The following TARS3 variants were observed in gnomAD, a reference collection of about 807,000 sequenced individuals.
TARS3 encodes the protein threonine--tRNA ligase 2, cytoplasmic.
In TARS3, 94 loss-of-function variants were observed where a neutral mutation model predicts 103.5. That is an observed-to-expected ratio of 0.91 (90% CI 0.77 to 1.08). TARS3 has a LOEUF of 1.08. Among genes scored for constraint, TARS3 ranks in the 50% least tolerant of loss-of-function variants. TARS3 has a pLI of 0.00. For missense variants in TARS3, 952 were observed against 995.2 expected, an observed-to-expected ratio of 0.96 and a Z score of 0.58; for synonymous variants, 416 against 355.4, an observed-to-expected ratio of 1.17 and a Z score of -1.92.
chr15:101,673,327 C>T (rs1897887770), intron 13 of TARS3, among the ~76,000 whole-genome samples: 1 of 152,222 alleles, frequency 6.6e-6, no homozygotes, highest in South Asian at 2.1e-4. Context: ...TTCAGCTCCC[C>T]ACACCCCACC....
rs1246979243 is a variant in TARS3 at position 101,679,530 on chromosome 15, GTTAGTAATTGCTCA to G, written c.1651-3807_1651-3794del. Among the ~76,000 whole-genome samples, 8 of 152,168 alleles carry G rather than the reference GTTAGTAATTGCTCA, an allele frequency of 5.3e-5. No homozygotes were observed. The East Asian group carries it at 1.5e-3, about 29-fold the overall frequency. On this transcript the variant is annotated intron_variant, in intron 12 of 18. Coordinates refer to ENST00000335968, the MANE Select transcript of TARS3 (RefSeq NM_152334.3). Reference sequence around the variant, plus strand: ...TGTAATTTTTGTTTGTTTCAAGTGTGTTAGTAATTGCTCATTAGTTAGTAATTGCATTTTTATGG... The same window carrying G: ...TGTAATTTTTGTTTGTTTCAAGTGTGTTAGTTAGTAATTGCATTTTTATGG...
At chr15:101,702,721 G>C (rs1191083686) in intron 8 of TARS3, among the ~76,000 whole-genome samples, 1 of 152,220 alleles carries the variant, frequency 6.6e-6, no homozygotes, top group Admixed American at 6.5e-5. Context: ...AGTGAGCAGT[G>C]TTTGTGCCAC....
chr15:101,722,012 A>G (rs949912613), intron 2 of TARS3, among the ~76,000 whole-genome samples: 1 of 152,226 alleles, frequency 6.6e-6, no homozygotes, highest in African/African-American at 2.4e-5. Flanking sequence ...AGGCTAGGCT[A>G]AACTACGATG....
At chr15:101,664,426 T>C (rs942884240) in intron 15 of TARS3, 1 of 152,220 alleles carries the variant, frequency 6.6e-6, no homozygotes, top group African/African-American at 2.4e-5. Flanking sequence ...AACTCCACTG[T>C]ACCAATCAGG....
At position 101,671,495 on chromosome 15, in the gene TARS3, G is replaced by A. The variant is rs761986518; in HGVS notation, c.1958C>T (p.Thr653Ile). The change falls in exon 15 of 19, where the codon ACA (threonine) becomes ATA (isoleucine). Residue 653 changes from threonine to isoleucine, a missense_variant. Transcript: ENST00000335968. ...ACATTCAATCACTCACCTAACATAT[G>A]TGAGATTAAATCTAATAGGCAGTTG... The part of the protein sequence containing the change: ...DFQLPIRFNL[T>I]YVSKDGDDKK... 6.2e-7 allele frequency: 1 copy of A among 1,604,238 alleles called. No individual in the cohort carries two copies. The highest frequency in any genetic ancestry group is 1.1e-5 in the South Asian group (1 of 90,702).
chr15:101,672,583 C>T (rs1897853155), intron 13 of TARS3, among the ~76,000 whole-genome samples: 1 of 151,872 alleles, frequency 6.6e-6, no homozygotes, highest in Admixed American at 6.6e-5. Context: ...CCGAAGCTGC[C>T]ATCATCAAGA....
rs562753367 is a variant in TARS3, at chr15:101,659,746, C to G, written c.2073-1889G>C. On this transcript the variant is annotated intron_variant, in intron 16 of 18. Coordinates refer to ENST00000335968, the MANE Select transcript of TARS3 (RefSeq NM_152334.3). ...AGAAATATAAACATGTTAACTCATACTCAGGCGGCATACATATTCATACCC... is the reference window on the plus strand; with the variant it reads ...AGAAATATAAACATGTTAACTCATAGTCAGGCGGCATACATATTCATACCC... Among the ~76,000 whole-genome samples the G allele has an allele frequency of 5.3e-5, 8 of 152,338 alleles. No homozygotes were observed. The East Asian group carries it at 1.5e-3, about 29-fold the overall frequency.
At chr15:101,691,837 A>G (rs561856358) in intron 10 of TARS3, among the ~76,000 whole-genome samples, 1 of 129,762 alleles carries the variant, frequency 7.7e-6, no homozygotes, top group South Asian at 2.7e-4. Flanking sequence ...TCTTCCCCCC[A>G]ACCCCTGACC....
Position 101,698,818 on chromosome 15 carries a change from T to A in TARS3, c.1320+2268A>T, listed in dbSNP as rs3743181. Among the ~76,000 whole-genome samples the A allele has an allele frequency of 6.0e-4, 92 of 152,320 alleles. 1 individual carries two copies. In the East Asian group the frequency reaches 0.014, roughly 24 times the overall value. ...TTTTTGAGCCAATGTAGTAATTAGA[T>A]GAGCCTTGGAATTATTTGTTAAGAA... is the stretch of plus-strand genomic sequence containing the variant. On this transcript the variant is annotated intron_variant, in intron 10 of 18. Coordinates refer to ENST00000335968, the MANE Select transcript of TARS3 (RefSeq NM_152334.3).
intron 3 of TARS3, 144 bp from the exon 4 acceptor site, chr15:101,715,107 T>G: frequency 8.1e-6 from 6 of 739,188 alleles, no homozygotes; most frequent in Non-Finnish European, 1.2e-5. Flanking sequence ...ATTTCTTGTT[T>G]TGCAATATTT....
At chr15:101,697,969 T>A (rs1899062934) in intron 10 of TARS3, among the ~76,000 whole-genome samples, 1 of 152,200 alleles carries the variant, frequency 6.6e-6, no homozygotes, top group South Asian at 2.1e-4. Flanking sequence ...TAGCTTAGAT[T>A]GAAAGGCAGC....
At chr15:101,669,836 G>T (rs767427444) in intron 15 of TARS3, among the ~76,000 whole-genome samples, 1 of 152,148 alleles carries the variant, frequency 6.6e-6, no homozygotes, top group Non-Finnish European at 1.5e-5. Flanking sequence ...GATAATCAGT[G>T]GTCCCATAGA....
At chr15:101,709,186 G>C (rs556651164) in intron 5 of TARS3, among the ~76,000 whole-genome samples, 23 of 152,314 alleles carry the variant, frequency 1.5e-4, no homozygotes, top group African/African-American at 4.6e-4. Context: ...GCTCCTCTGA[G>C]GCCTGTTCTT....
intron 2 of TARS3, among the ~76,000 whole-genome samples, chr15:101,721,551 G>A (rs1157701166): frequency 6.6e-6 from 1 of 152,150 alleles, no homozygotes; most frequent in Non-Finnish European, 1.5e-5. Context: ...CTGGAGTGCA[G>A]GGGCACGAAA....
chr15:101,716,158 A>G (rs1900149180), intron 3 of TARS3, among the ~76,000 whole-genome samples: 1 of 152,190 alleles, frequency 6.6e-6, no homozygotes, highest in Admixed American at 6.5e-5. Flanking sequence ...CTGGGAATAC[A>G]GGCGCAGGCC....
chr15:101,687,644 T>C (rs1171323677), intron 10 of TARS3, among the ~76,000 whole-genome samples: 1 of 152,076 alleles, frequency 6.6e-6, no homozygotes, highest in Non-Finnish European at 1.5e-5. Flanking sequence ...ATGTTAGGAA[T>C]GTATGTCTTC....
Position 101,654,040 on chromosome 15 carries a change from A to C in TARS3, c.*542T>G, listed in dbSNP as rs1200190496. Reference sequence around the variant, plus strand: ...ACTCTTAACCTATAGTGCAAACACCAGATTCCACAAAACTGAATTCCTTTG... The same window carrying C: ...ACTCTTAACCTATAGTGCAAACACCCGATTCCACAAAACTGAATTCCTTTG... On this transcript the variant is annotated 3_prime_UTR_variant, in exon 19 of 19. Transcript: ENST00000335968. 6.6e-6 allele frequency: 1 copy of C among 152,582 alleles called. No individual in the cohort carries two copies. Among genetic ancestry groups the C allele is most frequent in the East Asian group, 1.9e-4 (1 of 5,214 alleles). 9.5% of individuals were successfully genotyped at this position (152,582 alleles called of 1,614,324 possible). A position where few individuals can be genotyped will look rare whatever the true frequency, so the allele number is the denominator to read the frequency against.
chr15:101,723,987 C>A (rs1900627690), intron 1 of TARS3, 104 bp downstream of exon 1: 1 of 1,128,122 alleles, frequency 8.9e-7, no homozygotes, highest in African/African-American at 1.6e-5. Flanking sequence ...GGGCACTCCC[C>A]CGGGGCGCCC....
intron 16 of TARS3, among the ~76,000 whole-genome samples, chr15:101,658,249 C>T (rs1897253591): frequency 6.9e-6 from 1 of 144,378 alleles, no homozygotes; most frequent in Non-Finnish European, 1.5e-5. Context: ...CCCAAATGTC[C>T]TTTAGCGGGT....
Sources: allele counts gnomAD v4.1 joint callset (sites outside exome capture counted in the v4.1 genomes callset), GRCh38; gene constraint gnomAD v4.1.1; transcripts MANE v1.5; gene names NCBI Gene and HGNC (gene_info 2026-07-23, HGNC 2026-07-21).